TRPM2: variants seen among roughly 807,000 people sequenced by gnomAD.
TRPM2 encodes the protein estrogen-responsive element-associated gene 1 protein.
TRPM2 carries 161 observed loss-of-function variants against 174.0 expected under a neutral mutation model. The observed-to-expected ratio is 0.93, with a 90% CI of 0.81 to 1.05. The LOEUF (loss-of-function observed/expected upper bound fraction) is 1.05, where lower values mean the gene tolerates loss of function less well. Among genes scored for constraint, TRPM2 ranks in the 50% least tolerant of loss-of-function variants. The pLI, the probability that TRPM2 is intolerant of heterozygous loss-of-function variation, is 0.00. For synonymous variants in TRPM2, 954 were observed against 861.3 expected, an observed-to-expected ratio of 1.11 and a Z score of -1.88; for missense variants, 2,057 against 2,038.0, an observed-to-expected ratio of 1.01 and a Z score of -0.18.
intron 6 of TRPM2, 68 bp from the exon 7 acceptor site, chr21:44,377,644 G>A: frequency 6.3e-7 from 1 of 1,597,780 alleles, no homozygotes; most frequent in South Asian, 1.1e-5. Flanking sequence ...CTTTGTTCAG[G>A]TGTGGCCCTC....
intron 24 of TRPM2, 164 bp from the exon 25 acceptor site, chr21:44,425,506 T>TG (rs2050730172): frequency 1.2e-6 from 1 of 802,848 alleles, no homozygotes; most frequent in African/African-American, 1.8e-5. Flanking sequence ...CTGGGGGCCC[T>TG]GCCCACTTCA....
chr21:44,366,710 C>A lies in TRPM2; in HGVS notation c.424-44C>A. ...CTGTGTGGGTCGGTGCTGTCCCTGA[C>A]CACTGACACACAGGTTCCCTCCGCC... On this transcript the variant is annotated intron_variant, in intron 3 of 31. Coordinates refer to ENST00000397928, the MANE Select transcript of TRPM2 (RefSeq NM_003307.4). The surrounding 1 kb of genome is among the most constrained non-coding windows in gnomAD (Gnocchi z 6.0). The A allele has an allele frequency of 1.9e-6, 3 of 1,612,122 alleles. No homozygotes were observed. In the South Asian group the frequency reaches 3.3e-5, roughly 18 times the overall value.
rs2051425886 is a variant in TRPM2 at position 44,439,852 on chromosome 21, G to A, written c.4269+684G>A. ...TGCTCTTGCCTTGGCCTCCCAGGCA[G>A]CAGGGGCTGCAGCGGTGAGACACCA... On this transcript the variant is annotated intron_variant, in intron 30 of 31. Coordinates refer to ENST00000397928, the MANE Select transcript of TRPM2 (RefSeq NM_003307.4). The surrounding 1 kb of genome is among the most constrained non-coding windows in gnomAD (Gnocchi z 5.1). 6.6e-6 allele frequency among the ~76,000 whole-genome samples: 1 copy of A among 152,134 alleles called. No individual in the cohort carries two copies. Among genetic ancestry groups the A allele is most frequent in the Non-Finnish European group, 1.5e-5 (1 of 68,026 alleles).
rs189031945 is a variant in TRPM2 at position 44,362,280 on chromosome 21, G to A, written c.255-1834G>A. Reference sequence around the variant, plus strand: ...AGCACTTTGGGAAGCTGAGGTGGGCGGATCACGAGGTCAGGAGATGGAGAC... The same window carrying A: ...AGCACTTTGGGAAGCTGAGGTGGGCAGATCACGAGGTCAGGAGATGGAGAC... On this transcript the variant is annotated intron_variant, in intron 2 of 31. Coordinates refer to ENST00000397928, the MANE Select transcript of TRPM2 (RefSeq NM_003307.4). Among the ~76,000 whole-genome samples the A allele has an allele frequency of 1.4e-4, 21 of 151,054 alleles. No individual in the cohort carries two copies. In the East Asian group the frequency reaches 3.7e-3, roughly 27 times the overall value.
Position 44,437,146 on chromosome 21 carries a change from C to T in TRPM2, c.4146C>T (p.Ser1382=), listed in dbSNP as rs745632554. The T allele has an allele frequency of 5.6e-5, 87 of 1,551,192 alleles. No homozygotes were observed. The East Asian group carries it at 8.8e-4, about 16-fold the overall frequency. The change falls in exon 29 of 32, where the codon TCC becomes TCT. Residue 1382 remains serine (S), a synonymous_variant. Coordinates refer to ENST00000397928, the MANE Select transcript of TRPM2 (RefSeq NM_003307.4). ...LEVLVVKLPL[S]EHWALPGGSR... ...TGCTGGTGGTGAAGCTCCCTCTCTC[C>T]GAGCACTGGGCCCTGCCTGGGGTAA...
intron 27 of TRPM2, among the ~76,000 whole-genome samples, chr21:44,430,279 G>T (rs986766837): frequency 2.0e-5 from 3 of 152,072 alleles, no homozygotes; most frequent in Admixed American, 1.3e-4. Context: ...TGAATGAGCT[G>T]GTCAGCTTTC....
In TRPM2 at chr21:44,425,814, A is replaced by G. The variant is rs1008008363; in HGVS notation, c.3782A>G (p.Lys1261Arg). The change falls in exon 25 of 32, where the codon AAG becomes AGG. Residue 1261 changes from lysine to arginine, a missense_variant. Physicochemically the swap from Lys to Arg is conservative, Grantham distance 26 (BLOSUM62 2). Transcript: ENST00000397928. ...ACGCGCTTCCCCGTGCCCAACGAGA[A>G]GGTGCCCTGGGAGGTGAGCGCCTGC... Reference protein sequence around the residue: ...PVTRFPVPNEKVPWETEFLIY... With the variant: ...PVTRFPVPNERVPWETEFLIY... 3 of 1,575,810 alleles carry G rather than the reference A, an allele frequency of 1.9e-6. No individual in the cohort carries two copies. In the African/African-American group the frequency reaches 4.1e-5, roughly 21 times the overall value.
At chr21:44,383,179 G>T (rs2146215665) in intron 9 of TRPM2, among the ~76,000 whole-genome samples, 1 of 152,356 alleles carries the variant, frequency 6.6e-6, no homozygotes, top group East Asian at 1.9e-4. Context: ...ATGCAGGAAA[G>T]AGTGTAGAGG....
intron 11 of TRPM2, among the ~76,000 whole-genome samples, chr21:44,394,804 A>G (rs1300950590): frequency 6.6e-6 from 1 of 152,202 alleles, no homozygotes; most frequent in Non-Finnish European, 1.5e-5. Flanking sequence ...TTCTAGGATC[A>G]CTTGAGGTGT....
At chr21:44,373,108 A>T (rs2048589013) in intron 5 of TRPM2, among the ~76,000 whole-genome samples, 2 of 152,040 alleles carry the variant, frequency 1.3e-5, no homozygotes, top group South Asian at 4.1e-4. Flanking sequence ...GAGATGGTTG[A>T]GTGAATTGCA....
At chr21:44,360,228 G>A (rs751552773) in intron 2 of TRPM2, among the ~76,000 whole-genome samples, 11 of 152,200 alleles carry the variant, frequency 7.2e-5, no homozygotes, top group Non-Finnish European at 1.5e-4. Context: ...AGGGAAGTTA[G>A]CAGTTGAAGA....
At chr21:44,406,860 C>T (rs1484080799) in intron 19 of TRPM2, 95 bp downstream of exon 19, 35 of 1,470,226 alleles carry the variant, frequency 2.4e-5, no homozygotes, top group African/African-American at 5.7e-5. Flanking sequence ...AGGCCGGCTC[C>T]ATCAGGGGGT....
At position 44,439,044 on chromosome 21, in the gene TRPM2, G is replaced by A; in HGVS notation, c.4168-23G>A. 6.2e-7 allele frequency: 1 copy of A among 1,603,936 alleles called. No individual in the cohort carries two copies. ...TCCCGCTTCGGTGCCCTGTTGACCTGCCTCCGTCCTCTGTCTGTCCAGGGC... is the reference window on the plus strand; with the variant it reads ...TCCCGCTTCGGTGCCCTGTTGACCTACCTCCGTCCTCTGTCTGTCCAGGGC... On this transcript the variant is annotated intron_variant, in intron 29 of 31. Transcript: ENST00000397928. This position sits in a 1 kb window ranked among gnomAD's most constrained non-coding sequence, Gnocchi z 5.1.
intron 22 of TRPM2, among the ~76,000 whole-genome samples, chr21:44,421,360 C>T (rs1041799994): frequency 6.6e-6 from 1 of 152,066 alleles, no homozygotes; most frequent in African/African-American, 2.4e-5. Context: ...CAGCTCCTGC[C>T]CTATCCCAGA....
chr21:44,353,921 G>A, intron 1 of TRPM2, 56 bp downstream of exon 1: 1 of 1,566,604 alleles, frequency 6.4e-7, no homozygotes, highest in Non-Finnish European at 8.6e-7. Flanking sequence ...GGTCACCGTT[G>A]GGCAGGTCAT....
At position 44,367,874 on chromosome 21, in the gene TRPM2, GA is replaced by G. The variant is rs200030129; in HGVS notation, c.604+941del. ...CACAGCCCTGCTTGTAAAATGACCA[GA>G]CCTTTTCTCAGCCTGGTCACATGGG... On this transcript the variant is annotated intron_variant, in intron 4 of 31. Transcript: ENST00000397928. This position sits in a 1 kb window ranked among gnomAD's most constrained non-coding sequence, Gnocchi z 4.6. Among the ~76,000 whole-genome samples, 3,241 of 152,268 alleles carry G rather than the reference GA, an allele frequency of 0.021. 100 individuals are homozygous for G. The highest frequency in any genetic ancestry group is 0.074 in the African/African-American group (3,080 of 41,532).
intron 16 of TRPM2, among the ~76,000 whole-genome samples, chr21:44,404,293 T>C (rs770583168): frequency 2.0e-5 from 3 of 150,262 alleles, no homozygotes; most frequent in Non-Finnish European, 4.4e-5. Context: ...CATACACATA[T>C]ACATGCACAC....
intron 9 of TRPM2, among the ~76,000 whole-genome samples, chr21:44,388,650 C>CAA (rs60322957): frequency 0.17 from 13,690 of 82,806 alleles, 1,054 homozygotes; most frequent in Non-Finnish European, 0.25. Flanking sequence ...CCTGTCACTA[C>CAA]AAAAAAAAAA....
chr21:44,407,362 A>T (rs566734971), intron 19 of TRPM2, among the ~76,000 whole-genome samples: 2 of 148,926 alleles, frequency 1.3e-5, no homozygotes, highest in South Asian at 2.1e-4. Flanking sequence ...CTTGAGCTCA[A>T]GTGATCCACC....
Sources: allele counts gnomAD v4.1 joint callset (sites outside exome capture counted in the v4.1 genomes callset), GRCh38; gene constraint gnomAD v4.1.1; non-coding constraint Gnocchi (gnomAD v3.1); transcripts MANE v1.5; gene names NCBI Gene and HGNC (gene_info 2026-07-23, HGNC 2026-07-21).